The following MPPED1 variants were observed in gnomAD, a reference collection of about 807,000 sequenced individuals.
MPPED1 encodes metallophosphoesterase domain containing 1, also known as metallophosphoesterase domain-containing protein 1.
A neutral mutation model predicts 36.2 loss-of-function variants in MPPED1; 16 were observed. That is an observed-to-expected ratio of 0.44 (90% CI 0.30 to 0.67). The LOEUF (loss-of-function observed/expected upper bound fraction) is 0.67. MPPED1 is among the 30% of genes least tolerant of loss of function. MPPED1 has a pLI of 0.10. For synonymous variants in MPPED1, 199 were observed against 191.3 expected (o/e 1.04, Z -0.33); for missense variants, 307 against 453.4 (o/e 0.68, Z 2.93).
At chr22:43,443,323 A>G (rs945657201) in intron 3 of MPPED1, among the ~76,000 whole-genome samples, 6 of 152,034 alleles carry the variant, frequency 3.9e-5, no homozygotes, top group African/African-American at 1.4e-4. Flanking sequence ...AGGGAGGACA[A>G]GGTCTGATTC....
At chr22:43,470,019 T>C (rs1270046516) in intron 3 of MPPED1, among the ~76,000 whole-genome samples, 1 of 152,014 alleles carries the variant, frequency 6.6e-6, no homozygotes, top group Non-Finnish European at 1.5e-5. Flanking sequence ...CATCCATCCA[T>C]CCATTAATCC....
intron 2 of MPPED1, among the ~76,000 whole-genome samples, chr22:43,432,877 GGGAAAGAGAA>G (rs1213709289): frequency 9.2e-5 from 1 of 10,918 alleles, no homozygotes; most frequent in African/African-American, 1.5e-4. Flanking sequence ...GAGAGAGAGA[GGGAAAGAGAA>G]AGGGAGGAGA....
chr22:43,499,198 TGG>T, intron 5 of MPPED1, among the ~76,000 whole-genome samples: 1 of 139,396 alleles, frequency 7.2e-6, no homozygotes, highest in Non-Finnish European at 1.5e-5. Context: ...GTGGTGGTGG[TGG>T]GAGGTGGTGA....
chr22:43,415,242 A>AG (rs1182427557), intron 1 of MPPED1, among the ~76,000 whole-genome samples: 1 of 151,278 alleles, frequency 6.6e-6, no homozygotes, highest in Non-Finnish European at 1.5e-5. Context: ...AAAAAAAAAA[A>AG]AAAAAGGAAA....
intron 4 of MPPED1, among the ~76,000 whole-genome samples, chr22:43,495,833 G>A (rs1240408053): frequency 1.4e-5 from 1 of 69,372 alleles, no homozygotes; most frequent in African/African-American, 6.4e-5. Flanking sequence ...GGTGGTGGAG[G>A]TAGTGGTGGT....
chr22:43,457,213 C>T (rs1930784961), intron 3 of MPPED1, among the ~76,000 whole-genome samples: 1 of 152,158 alleles, frequency 6.6e-6, no homozygotes, highest in Non-Finnish European at 1.5e-5. Flanking sequence ...ATACAAATCG[C>T]CAGTGAAGCC....
intron 3 of MPPED1, among the ~76,000 whole-genome samples, chr22:43,451,632 A>G (rs749626568): frequency 2.6e-5 from 4 of 152,218 alleles, no homozygotes; most frequent in Non-Finnish European, 5.9e-5. Flanking sequence ...CAACCTCTCA[A>G]AATAGTCACT....
chr22:43,451,825 C>G (rs1930579047), intron 3 of MPPED1, among the ~76,000 whole-genome samples: 1 of 152,198 alleles, frequency 6.6e-6, no homozygotes, highest in South Asian at 2.1e-4. Context: ...AGGCCTGGCT[C>G]CACCCCTCCC....
At chr22:43,467,818 G>A (rs1283889731) in intron 3 of MPPED1, among the ~76,000 whole-genome samples, 2 of 151,934 alleles carry the variant, frequency 1.3e-5, no homozygotes, top group African/African-American at 4.9e-5. Flanking sequence ...AACTCCACCG[G>A]GCTCAATACT....
In MPPED1 at chr22:43,435,089, T is replaced by A. The variant is rs1292653678; in HGVS notation, c.280T>A (p.Cys94Ser). The change falls in exon 3 of 7, where the codon TGC becomes AGC. Residue 94 changes from cysteine to serine, a missense_variant. Coordinates refer to ENST00000443721, the MANE Select transcript of MPPED1 (RefSeq NM_001044370.2). ...ACCTCCAGGCTACACCCGCTTCGTC[T>A]GCGTCTCTGATACCCACTCGAGGAC... ...PKPPGYTRFV[C>S]VSDTHSRTDP... is the part of the protein sequence containing the mutation. 2 of 1,613,908 alleles carry A rather than the reference T, an allele frequency of 1.2e-6. No individual in the cohort carries two copies. Among genetic ancestry groups the A allele is most frequent in the Admixed American group, 1.7e-5 (1 of 60,032 alleles).
At position 43,462,788 on chromosome 22, in the gene MPPED1, T is replaced by C. The variant is rs187975803; in HGVS notation, c.407-11948T>C. ...ATTGGGACTGATTGATTTCCAGTCC[T>C]GCTCACAGTCACCATCTTCAGATGG... On this transcript the variant is annotated intron_variant, in intron 3 of 6. Coordinates refer to ENST00000443721, the MANE Select transcript of MPPED1 (RefSeq NM_001044370.2). 7.8e-3 allele frequency among the ~76,000 whole-genome samples: 1,191 copies of C among 152,234 alleles called. 24 individuals are homozygous for C. The highest frequency in any genetic ancestry group is 7.1e-3 in the Non-Finnish European group (485 of 68,018).
chr22:43,425,184 C>T lies in MPPED1; in HGVS notation c.199C>T (p.Arg67Cys), dbSNP rs1394277810. 1.3e-6 allele frequency: 2 copies of T among 1,542,844 alleles called. No individual in the cohort carries two copies. Among genetic ancestry groups the T allele is most frequent in the Non-Finnish European group, 1.8e-6 (2 of 1,134,068 alleles). The change falls in exon 2 of 7, where the codon CGC becomes TGC. Residue 67 changes from arginine (R) to cysteine (C), a missense_variant. Coordinates refer to ENST00000443721, the MANE Select transcript of MPPED1 (RefSeq NM_001044370.2). Reference sequence around the variant, plus strand: ...CACCTTCTACAACATCAACCAGGGCCGCTTCCAGCCACCGCATGTGCAGAT... The same window carrying T: ...CACCTTCTACAACATCAACCAGGGCTGCTTCCAGCCACCGCATGTGCAGAT... ...AFTFYNINQG[R>C]FQPPHVQMVD...
intron 1 of MPPED1, among the ~76,000 whole-genome samples, chr22:43,415,532 A>G (rs987905003): frequency 5.9e-5 from 9 of 152,172 alleles, no homozygotes; most frequent in African/African-American, 2.2e-4. Context: ...ATAGGTATTA[A>G]TTTTGAAATC....
chr22:43,471,767 G>T (rs1363224200), intron 3 of MPPED1, among the ~76,000 whole-genome samples: 1 of 152,228 alleles, frequency 6.6e-6, no homozygotes, highest in Non-Finnish European at 1.5e-5. Context: ...TCCTGCTGGG[G>T]CCTGCTAGGG....
At chr22:43,445,592 A>C (rs1601964545) in intron 3 of MPPED1, among the ~76,000 whole-genome samples, 4 of 122,616 alleles carry the variant, frequency 3.3e-5, no homozygotes, top group Admixed American at 1.0e-4. Flanking sequence ...ACAGGATCTC[A>C]CTCTGTTGCC....
chr22:43,500,431 TGGTGGTGGAGGTGGTGACGGA>T lies in MPPED1; in HGVS notation c.748+2098_748+2118del, dbSNP rs1354221923. On this transcript the variant is annotated intron_variant, in intron 5 of 6. Coordinates refer to ENST00000443721, the MANE Select transcript of MPPED1 (RefSeq NM_001044370.2). ...GTGGTGATGGAGGTGGTAATGGAGG[TGGTGGTGGAGGTGGTGACGGA>T]GGTGGTGGAGGTGGTGGAGGCGAAG... Among the ~76,000 whole-genome samples, 5 of 148,606 alleles carry T rather than the reference TGGTGGTGGAGGTGGTGACGGA, an allele frequency of 3.4e-5. No homozygotes were observed. The South Asian group carries it at 6.4e-4, about 19-fold the overall frequency.
chr22:43,495,956 GTGGTGGTGGTGGAGA>G (rs1429939686), intron 4 of MPPED1, among the ~76,000 whole-genome samples: 49 of 127,274 alleles, frequency 3.8e-4, no homozygotes, highest in East Asian at 5.1e-4. Context: ...GGTGGTGGAG[GTGGTGGTGGTGGAGA>G]TGGTGGTGGT....
intron 4 of MPPED1, among the ~76,000 whole-genome samples, chr22:43,476,242 A>G (rs1931573423): frequency 6.6e-6 from 1 of 152,170 alleles, no homozygotes; most frequent in African/African-American, 2.4e-5. Context: ...ATGAGCGGCC[A>G]CAGGGTGCCC....
At chr22:43,447,439 A>C (rs1930383799) in intron 3 of MPPED1, among the ~76,000 whole-genome samples, 1 of 152,152 alleles carries the variant, frequency 6.6e-6, no homozygotes, top group Non-Finnish European at 1.5e-5. Context: ...CCGCGTGCAC[A>C]TAAACTTCTG....
Sources: gnomAD v4.1 joint callset for allele counts (sites outside exome capture counted in the v4.1 genomes callset) on GRCh38, gnomAD v4.1.1 for gene constraint, MANE v1.5 for transcripts, NCBI Gene and HGNC (gene_info 2026-07-23, HGNC 2026-07-21) for gene names.